Variants in CRLF2 observed in about 807,000 individuals in gnomAD.
CRLF2 encodes cytokine receptor like factor 2.
Under a neutral mutation model 38.7 loss-of-function variants are expected in CRLF2, and 41 were observed. The observed-to-expected ratio is 1.06, with a 90% CI of 0.83 to 1.37. CRLF2 has a LOEUF of 1.37. Among genes scored for constraint, CRLF2 ranks in the 40% most tolerant of loss-of-function variants. CRLF2 has a pLI of 0.00. For synonymous variants in CRLF2, 140 were observed against 128.8 expected, an observed-to-expected ratio of 1.09 and a Z score of -0.59; for missense variants, 377 against 322.2, an observed-to-expected ratio of 1.17 and a Z score of -1.30.
chrX:1,202,116 TA>T (rs2086618923), intron 4 of CRLF2, among the ~76,000 whole-genome samples: 1 of 151,646 alleles, frequency 6.6e-6, no homozygotes, highest in African/African-American at 2.4e-5. Flanking sequence ...GAGGTAGAGA[TA>T]AAATAGAATG....
chrX:1,210,040 G>A (rs765805352), intron 1 of CRLF2, among the ~76,000 whole-genome samples: 1 of 149,656 alleles, frequency 6.7e-6, no homozygotes, highest in African/African-American at 2.5e-5. Flanking sequence ...GGAGGCAGAG[G>A]TTGTAGTGAA....
At position 1,212,293 on chromosome X, in the gene CRLF2, G is replaced by A. The variant is rs1172350839; in HGVS notation, c.79+263C>T. Among the ~76,000 whole-genome samples, 116 of 151,096 alleles carry A rather than the reference G, an allele frequency of 7.7e-4. 1 individual carries two copies. Among genetic ancestry groups the A allele is most frequent in the African/African-American group, 2.6e-3 (105 of 41,164 alleles). ...CATACAGTTCCTAGTTCTGGCCACC[G>A]AAAGCTCATATAAGCAGTGGATATT... On this transcript the variant is annotated intron_variant, in intron 1 of 7. Transcript: ENST00000400841.
chrX:1,206,980 C>G (rs2147850151), intron 2 of CRLF2, among the ~76,000 whole-genome samples: 1 of 134,194 alleles, frequency 7.5e-6, no homozygotes, highest in South Asian at 2.5e-4. Context: ...GTGTCTCGCT[C>G]TGTCCCTGAG....
intron 5 of CRLF2, among the ~76,000 whole-genome samples, chrX:1,197,799 C>G (rs1284237258): frequency 1.3e-5 from 2 of 149,594 alleles, no homozygotes; most frequent in Non-Finnish European, 3.0e-5. Context: ...GGACCACAGA[C>G]TGAGACTCCC....
At chrX:1,196,703 G>C in intron 6 of CRLF2, 77 bp downstream of exon 6, 1 of 1,555,080 alleles carries the variant, frequency 6.4e-7, no homozygotes, top group Non-Finnish European at 8.7e-7. Flanking sequence ...TCTATCAGGC[G>C]ATTAATCTTT....
chrX:1,191,473 C>G (rs1423216667), intron 7 of CRLF2, among the ~76,000 whole-genome samples: 1 of 151,462 alleles, frequency 6.6e-6, no homozygotes, highest in Non-Finnish European at 1.5e-5. Flanking sequence ...TAAGCCCCTA[C>G]AAAGCTCTTG....
chrX:1,197,120 C>T (rs2086494828), intron 5 of CRLF2, among the ~76,000 whole-genome samples: 2 of 112,772 alleles, frequency 1.8e-5, no homozygotes, highest in South Asian at 3.0e-4. Context: ...TGAGACAGAA[C>T]CTCACTCTGT....
intron 1 of CRLF2, 42 bp downstream of exon 1, chrX:1,212,514 A>G (rs373125396): frequency 1.1e-4 from 159 of 1,503,508 alleles, no homozygotes; most frequent in African/African-American, 6.6e-4. Context: ...AAAGCAAACC[A>G]CAAACCAAAA....
At chrX:1,211,933 A>G (rs765403056) in intron 1 of CRLF2, among the ~76,000 whole-genome samples, 1 of 141,116 alleles carries the variant, frequency 7.1e-6, no homozygotes, top group East Asian at 2.2e-4. Flanking sequence ...GGATGGGTGG[A>G]TGGGTGGATG....
chrX:1,200,195 ATGTG>A (rs1253055757), intron 4 of CRLF2, among the ~76,000 whole-genome samples: 1 of 151,126 alleles, frequency 6.6e-6, no homozygotes, highest in Admixed American at 6.6e-5. Flanking sequence ...AGCTGTGTAT[ATGTG>A]TGTATGTGTG....
In CRLF2 at chrX:1,196,821, C is replaced by G. The variant is rs779846628; in HGVS notation, c.726G>C (p.Leu242=). 3.7e-6 allele frequency: 6 copies of G among 1,613,478 alleles called. No individual in the cohort carries two copies. In the African/African-American group the frequency reaches 5.3e-5, roughly 14 times the overall value. ...FILISSLAIL[L]MVSLLLLSLW... is the part of the protein sequence containing the mutation. ...AAGACAGAAGGAGGAGAGACACCAT[C>G]AGAAGGATGGCCAGGCTGGAAATTA... is the stretch of plus-strand genomic sequence containing the variant. The change falls in exon 6 of 8, where the codon CTG becomes CTC. Residue 242 remains leucine, a synonymous_variant. Coordinates refer to ENST00000400841, the MANE Select transcript of CRLF2 (RefSeq NM_022148.4).
chrX:1,204,110 A>C (rs1160969616), intron 3 of CRLF2, among the ~76,000 whole-genome samples: 1 of 122,776 alleles, frequency 8.1e-6, no homozygotes, highest in African/African-American at 2.8e-5. Flanking sequence ...GAGAACATCC[A>C]GTGAGTGGGA....
chrX:1,193,661 A>T (rs1346647448), intron 6 of CRLF2, among the ~76,000 whole-genome samples: 1 of 151,630 alleles, frequency 6.6e-6, no homozygotes, highest in Non-Finnish European at 1.5e-5. Flanking sequence ...GGGCACCTGT[A>T]GTCCCAGCTA....
At chrX:1,192,365 T>C (rs1323641346) in intron 7 of CRLF2, among the ~76,000 whole-genome samples, 1 of 152,024 alleles carries the variant, frequency 6.6e-6, no homozygotes, top group Non-Finnish European at 1.5e-5. Flanking sequence ...GGCTCACGCC[T>C]GTCATCCCAG....
At chrX:1,194,558 C>G (rs1459604350) in intron 6 of CRLF2, among the ~76,000 whole-genome samples, 1 of 152,118 alleles carries the variant, frequency 6.6e-6, no homozygotes, top group African/African-American at 2.4e-5. Context: ...ATTATTTCCA[C>G]CTTGTCGATA....
At chrX:1,207,096 C>G (rs1400918675) in intron 2 of CRLF2, among the ~76,000 whole-genome samples, 2 of 150,958 alleles carry the variant, frequency 1.3e-5, no homozygotes, top group Non-Finnish European at 2.9e-5. Flanking sequence ...CGGGCACGCA[C>G]CACCACCCCC....
intron 3 of CRLF2, among the ~76,000 whole-genome samples, chrX:1,203,888 A>G (rs1186578346): frequency 1.3e-5 from 2 of 152,174 alleles, no homozygotes; most frequent in African/African-American, 2.4e-5. Context: ...CGGATTCTCA[A>G]ACAGATCCGT....
intron 7 of CRLF2, 99 bp from the exon 8 acceptor site, chrX:1,191,259 A>G: frequency 2.5e-6 from 1 of 397,500 alleles, no homozygotes; most frequent in Non-Finnish European, 4.4e-6. Context: ...ATCCCTGGAC[A>G]TCTTTCTCTT....
At position 1,208,907 on chromosome X, in the gene CRLF2, T is replaced by C. The variant is rs1197422628; in HGVS notation, c.81A>G (p.Ala27=). 2 of 1,563,334 alleles carry C rather than the reference T, an allele frequency of 1.3e-6. No homozygotes were observed. Among genetic ancestry groups the C allele is most frequent in the Non-Finnish European group, 1.8e-6 (2 of 1,134,080 alleles). Residue 27 remains alanine, a splice_region_variant and synonymous_variant, in exon 2 of 8, where the codon GCA becomes GCG. Coordinates refer to ENST00000400841, the MANE Select transcript of CRLF2 (RefSeq NM_022148.4). The part of the protein sequence containing the change: ...GWMALGQGGA[A]EGVQIQIIYF... ...AGATGATCTGAATCTGTACTCCTTC[T>C]GCTAGACACAGAGAGACGCATGAAG... is the stretch of plus-strand genomic sequence containing the variant.
Sources: gnomAD v4.1 joint callset for allele counts (sites outside exome capture counted in the v4.1 genomes callset) on GRCh38, gnomAD v4.1.1 for gene constraint, MANE v1.5 for transcripts, NCBI Gene and HGNC (gene_info 2026-07-23, HGNC 2026-07-21) for gene names.